The following PITRM1 variants were observed in gnomAD, a reference collection of about 807,000 sequenced individuals.
The protein encoded by PITRM1 is presequence protease, mitochondrial.
In PITRM1, 100 loss-of-function variants were observed where a neutral mutation model predicts 129.9. The observed-to-expected ratio is 0.77, with a 90% CI of 0.65 to 0.91. PITRM1 has a LOEUF of 0.91. PITRM1 is among the 40% of genes least tolerant of loss of function. The pLI, the probability that PITRM1 is intolerant of heterozygous loss-of-function variation, is 0.00. For synonymous variants in PITRM1, 591 were observed against 508.8 expected (o/e 1.16, Z -2.17); for missense variants, 1,471 against 1,318.3 (o/e 1.12, Z -1.79).
In PITRM1 at chr10:3,144,334, G is replaced by C. The variant is rs59654932; in HGVS notation, c.2490C>G (p.Ala830=). ...KPVPSSSGGD[A]HVPHGSQVIR... ...TGACCTGGGAGCCATGGGGAACGTG[G>C]GCATCTCCACCAGAGCTGCTGGGCA... Residue 830 remains alanine (A), a synonymous_variant, in exon 22 of 27, where the codon GCC becomes GCG. Coordinates refer to ENST00000224949, the MANE Select transcript of PITRM1 (RefSeq NM_014889.4). 8.1e-3 allele frequency: 12,689 copies of C among 1,562,510 alleles called. 90 individuals are homozygous for C. Among genetic ancestry groups the C allele is most frequent in the Middle Eastern group, 0.025 (148 of 6,016 alleles).
At chr10:3,172,508 C>A (rs1440844295) in intron 1 of PITRM1, among the ~76,000 whole-genome samples, 4 of 152,182 alleles carry the variant, frequency 2.6e-5, no homozygotes, top group African/African-American at 9.6e-5. Context: ...GGGGCATCGC[C>A]CCTGGGAGTA....
At position 3,138,927 on chromosome 10, in the gene PITRM1, G is replaced by A. The variant is rs375964432; in HGVS notation, c.2894C>T (p.Ala965Val). ...ACCTTTGTCTGAAGGAGCGACAGGA[G>A]CATCTACGGTTGAGAAGACAGAAAG... The part of the protein sequence containing the change: ...AKLSVFSTVD[A>V]PVAPSDKGMD... The change falls in exon 25 of 27, where the codon GCT becomes GTT. Residue 965 changes from alanine to valine, a missense_variant. Ala to Val is a moderately conservative substitution (Grantham distance 64). Transcript: ENST00000224949. 1.4e-5 allele frequency: 23 copies of A among 1,613,856 alleles called. No individual in the cohort carries two copies. Among genetic ancestry groups the A allele is most frequent in the African/African-American group, 2.7e-5 (2 of 74,944 alleles).
chr10:3,156,157 A>G (rs1386078813), intron 13 of PITRM1, among the ~76,000 whole-genome samples: 1 of 152,270 alleles, frequency 6.6e-6, no homozygotes, highest in Non-Finnish European at 1.5e-5. Flanking sequence ...CTAAAAGGCT[A>G]GAACTACATT....
At chr10:3,138,718 G>A (rs1588617520) in intron 25 of PITRM1, 186 bp downstream of exon 25, 1 of 735,548 alleles carries the variant, frequency 1.4e-6, no homozygotes, top group Non-Finnish European at 2.5e-6. Flanking sequence ...ACAAATGACA[G>A]GATGCACTCT....
chr10:3,171,929 C>T (rs1843401963), intron 1 of PITRM1, among the ~76,000 whole-genome samples: 1 of 152,108 alleles, frequency 6.6e-6, no homozygotes, highest in East Asian at 1.9e-4. Flanking sequence ...ATGTATCCCA[C>T]CGAAATATTT....
chr10:3,159,970 G>A (rs1413104240), intron 8 of PITRM1, 34 bp from the exon 9 acceptor site: 11 of 1,450,596 alleles, frequency 7.6e-6, no homozygotes, highest in Non-Finnish European at 1.1e-5. Context: ...AGTAGGCACA[G>A]TGTCTGACGG....
intron 21 of PITRM1, among the ~76,000 whole-genome samples, 158 bp from the exon 22 acceptor site, chr10:3,144,524 C>G (rs1461315495): frequency 2.7e-5 from 4 of 146,798 alleles, no homozygotes. Context: ...TAAAAATAGG[C>G]TGGGCAGAGT....
At chr10:3,139,405 GCAAA>G (rs1839957333) in intron 24 of PITRM1, among the ~76,000 whole-genome samples, 3 of 152,224 alleles carry the variant, frequency 2.0e-5, no homozygotes, top group South Asian at 2.1e-4. Flanking sequence ...GAAAAATTAA[GCAAA>G]CAAAGGTTTT....
rs774727079 is a variant in PITRM1 at position 3,165,435 on chromosome 10, AT to A, written c.510del (p.Cys171ValfsTer36). 1 of 1,613,038 alleles carries A rather than the reference AT, an allele frequency of 6.2e-7. No individual in the cohort carries two copies. Among genetic ancestry groups the A allele is most frequent in the Non-Finnish European group, 8.5e-7 (1 of 1,179,260 alleles). ...LSVYLDATFF[P>X]CLRELDFWQE... is the part of the protein sequence containing the mutation. ...TACCAGAAATCCAGCTCGCGTAAAC[AT>A]GGGAAAAAGGTGGCATCCAAATACA... On this transcript the variant is annotated frameshift_variant, in exon 5 of 27. Coordinates refer to ENST00000224949, the MANE Select transcript of PITRM1 (RefSeq NM_014889.4). LOFTEE classifies it high-confidence loss of function.
chr10:3,143,937 A>G (rs1840551372), intron 22 of PITRM1: 1 of 516,512 alleles, frequency 1.9e-6, no homozygotes, highest in Admixed American at 2.6e-5. Context: ...AGGATCTGTC[A>G]GACCGCTCCA....
upstream of PITRM1, chr10:3,172,795 G>A (rs1255783477): frequency 1.4e-6 from 2 of 1,479,078 alleles, no homozygotes; most frequent in African/African-American, 1.8e-5. Context: ...GCACCTGGCT[G>A]GCGAGGAACC....
intron 2 of PITRM1, among the ~76,000 whole-genome samples, chr10:3,167,332 T>G (rs932285780): frequency 1.3e-5 from 2 of 152,254 alleles, no homozygotes; most frequent in African/African-American, 4.8e-5. Context: ...TACTACTGGC[T>G]AGGTATTTTA....
intron 1 of PITRM1, 145 bp downstream of exon 1, chr10:3,172,572 G>A: frequency 1.4e-6 from 1 of 710,992 alleles, no homozygotes; most frequent in Non-Finnish European, 2.2e-6. Context: ...GGAGCTCCAG[G>A]AAGGGCTCGG....
Position 3,137,926 on chromosome 10 carries a change from C to T in PITRM1, c.*105G>A, listed in dbSNP as rs2131787462. 1.4e-6 allele frequency: 1 copy of T among 708,086 alleles called. No individual in the cohort carries two copies. The highest frequency in any genetic ancestry group is 2.4e-6 in the Non-Finnish European group (1 of 413,504). The allele number at this position is 708,086 out of a possible 1,614,324, so 43.9% of individuals were successfully genotyped here. The stretch of plus-strand genomic sequence containing the variant: ...GCCAGTCAAGGGCTTTGGCGACACT[C>T]AATGACATAATATTCTTGGAAAAAG... On this transcript the variant is annotated 3_prime_UTR_variant, in exon 27 of 27. Transcript: ENST00000224949.
At chr10:3,143,206 G>A in intron 23 of PITRM1, 183 bp downstream of exon 23, 1 of 593,914 alleles carries the variant, frequency 1.7e-6, no homozygotes, top group Admixed American at 3.0e-5. Flanking sequence ...CTAAAACTGG[G>A]TCTCTGTTCA....
chr10:3,137,888 G>C lies in PITRM1; in HGVS notation c.*143C>G. The stretch of plus-strand genomic sequence containing the variant: ...TCCTGGTCACTCTTAAGATAGATCT[G>C]AGTTTTTGACTCGCCAGTCAAGGGC... On this transcript the variant is annotated 3_prime_UTR_variant, in exon 27 of 27. Coordinates refer to ENST00000224949, the MANE Select transcript of PITRM1 (RefSeq NM_014889.4). The C allele has an allele frequency of 6.5e-6, 4 of 611,176 alleles. No homozygotes were observed. The highest frequency in any genetic ancestry group is 1.2e-5 in the Non-Finnish European group (4 of 342,870). The allele number at this position is 611,176 out of a possible 1,614,324, so 37.9% of individuals were successfully genotyped here. A position where few individuals can be genotyped will look rare whatever the true frequency, so the allele number is the denominator to read the frequency against.
chr10:3,147,888 A>C, intron 18 of PITRM1, 99 bp downstream of exon 18: 1 of 1,211,770 alleles, frequency 8.3e-7, no homozygotes, highest in Non-Finnish European at 1.2e-6. Context: ...AGACTTGGAA[A>C]ACAACAACAC....
At chr10:3,141,404 TA>T (rs1212292428) in intron 23 of PITRM1, 5 of 216,954 alleles carry the variant, frequency 2.3e-5, no homozygotes, top group Non-Finnish European at 4.8e-5. Flanking sequence ...AGAAAGAGGT[TA>T]TTTCTATTAT....
At chr10:3,169,510 T>C (rs1276363216) in intron 2 of PITRM1, among the ~76,000 whole-genome samples, 4 of 152,260 alleles carry the variant, frequency 2.6e-5, no homozygotes, top group Non-Finnish European at 5.9e-5. Context: ...TGCTATAACA[T>C]CAAGCATAGC....
Sources: gnomAD v4.1 joint callset for allele counts (sites outside exome capture counted in the v4.1 genomes callset) on GRCh38, gnomAD v4.1.1 for gene constraint, MANE v1.5 for transcripts, NCBI Gene and HGNC (gene_info 2026-07-23, HGNC 2026-07-21) for gene names.